The following GRAMD1C variants were observed in gnomAD, a reference collection of about 807,000 sequenced individuals.
GRAMD1C encodes GRAM domain containing 1C.
A neutral mutation model predicts 97.8 loss-of-function variants in GRAMD1C; 89 were observed. That is an observed-to-expected ratio of 0.91 (90% CI 0.77 to 1.09). The LOEUF is 1.09. Ranked by LOEUF, GRAMD1C falls within the 50% of genes least tolerant of loss-of-function variation. The pLI, the probability that GRAMD1C is intolerant of heterozygous loss-of-function variation, is 0.00. For synonymous variants in GRAMD1C, 256 were observed against 267.0 expected (o/e 0.96, Z 0.40); for missense variants, 740 against 766.4 (o/e 0.97, Z 0.41).
chr3:113,882,691 G>T, intron 5 of GRAMD1C, 61 bp from the exon 6 acceptor site: 1 of 968,664 alleles, frequency 1.0e-6, no homozygotes, highest in South Asian at 1.3e-5. Flanking sequence ...AGACTTTCAT[G>T]ACAGATAATC....
chr3:113,832,014 T>C (rs1709563425), intron 1 of GRAMD1C, among the ~76,000 whole-genome samples: 1 of 151,786 alleles, frequency 6.6e-6, no homozygotes, highest in Non-Finnish European at 1.5e-5. Flanking sequence ...ACTGGACATT[T>C]TGAATATTAT....
intron 2 of GRAMD1C, among the ~76,000 whole-genome samples, chr3:113,864,216 G>A (rs1348817715): frequency 6.6e-6 from 1 of 152,006 alleles, no homozygotes; most frequent in Non-Finnish European, 1.5e-5. Context: ...GGGTTCAAGT[G>A]ATTCTCCCTG....
chr3:113,943,178 C>A (rs972543107), intron 17 of GRAMD1C, among the ~76,000 whole-genome samples: 2 of 152,186 alleles, frequency 1.3e-5, no homozygotes, highest in East Asian at 3.8e-4. Context: ...TTGCTTGAGC[C>A]AAGGTCCCCA....
chr3:113,875,429 C>T, intron 3 of GRAMD1C, 55 bp from the exon 4 acceptor site: 1 of 789,394 alleles, frequency 1.3e-6, no homozygotes, highest in Non-Finnish European at 2.3e-6. Flanking sequence ...AGTATAAGGT[C>T]TATTAATTTC....
At chr3:113,916,403 G>T (rs1286649403) in intron 10 of GRAMD1C, among the ~76,000 whole-genome samples, 3 of 152,076 alleles carry the variant, frequency 2.0e-5, no homozygotes, top group Admixed American at 2.0e-4. Flanking sequence ...TCCCACAAAA[G>T]AATCCTATAT....
chr3:113,834,605 T>C (rs1327300878), upstream of GRAMD1C, among the ~76,000 whole-genome samples: 1 of 152,122 alleles, frequency 6.6e-6, no homozygotes. Context: ...TTAATTTCTA[T>C]GCTATTCTGA....
chr3:113,926,718 A>T (rs1409622352), intron 10 of GRAMD1C, among the ~76,000 whole-genome samples: 2 of 151,756 alleles, frequency 1.3e-5, no homozygotes, highest in Non-Finnish European at 2.9e-5. Flanking sequence ...TTGATTGTGG[A>T]ATAAGGTGGG....
intron 2 of GRAMD1C, among the ~76,000 whole-genome samples, chr3:113,845,354 T>A (rs1317176390): frequency 6.6e-6 from 1 of 152,188 alleles, no homozygotes; most frequent in African/African-American, 2.4e-5. Flanking sequence ...GTGAAAATTA[T>A]GTAGGATGGT....
intron 3 of GRAMD1C, among the ~76,000 whole-genome samples, 173 bp downstream of exon 3, chr3:113,869,764 A>G (rs1333933164): frequency 6.6e-6 from 1 of 152,200 alleles, no homozygotes; most frequent in Non-Finnish European, 1.5e-5. Flanking sequence ...TATCCAAAAG[A>G]AAGGAAATCA....
At chr3:113,879,103 G>A (rs1348814418) in intron 5 of GRAMD1C, among the ~76,000 whole-genome samples, 11 of 152,022 alleles carry the variant, frequency 7.2e-5, no homozygotes, top group Admixed American at 7.2e-4. Flanking sequence ...TATTCAGGAG[G>A]CGGAGGCAAA....
intron 6 of GRAMD1C, among the ~76,000 whole-genome samples, chr3:113,887,090 TTTTTTG>T (rs1559795654): frequency 1.3e-4 from 14 of 110,348 alleles, no homozygotes; most frequent in Admixed American, 1.9e-4. Context: ...TTTTTGTTTT[TTTTTTG>T]TTTTTTTTTT....
chr3:113,931,958 A>C (rs974382629), intron 11 of GRAMD1C, among the ~76,000 whole-genome samples: 2 of 152,168 alleles, frequency 1.3e-5, no homozygotes, highest in African/African-American at 4.8e-5. Context: ...AGAAGACATA[A>C]AAAGGAACAC....
chr3:113,943,557 C>A (rs1577233319), intron 17 of GRAMD1C, among the ~76,000 whole-genome samples: 6 of 152,154 alleles, frequency 3.9e-5, no homozygotes, highest in African/African-American at 9.7e-5. Context: ...TAATACAATA[C>A]GTGGTCTTTT....
intron 6 of GRAMD1C, among the ~76,000 whole-genome samples, chr3:113,899,878 A>T (rs1447631618): frequency 6.6e-6 from 1 of 152,234 alleles, no homozygotes; most frequent in Non-Finnish European, 1.5e-5. Context: ...CAAAGGAAAA[A>T]TTCTGAAGTC....
chr3:113,875,954 A>G (rs1935012995), intron 4 of GRAMD1C: 2 of 466,588 alleles, frequency 4.3e-6, no homozygotes, highest in Non-Finnish European at 7.6e-6. Context: ...TAGATAGAGG[A>G]GTTGTTGGGG....
Position 113,869,554 on chromosome 3 carries a change from G to T in GRAMD1C, c.222G>T (p.Gln74His). The T allele has an allele frequency of 5.8e-6, 9 of 1,555,390 alleles. No homozygotes were observed. Among genetic ancestry groups the T allele is most frequent in the Non-Finnish European group, 7.0e-6 (8 of 1,137,788 alleles). ...ACAGGAATGAGGAATACAGAAGACA[G>T]TTCACACATCTACCTGATACAGAGA... ...YKDRNEEYRR[Q>H]FTHLPDTERL... The change falls in exon 3 of 18, where the codon CAG (glutamine) becomes CAT (histidine). Residue 74 changes from glutamine to histidine, a missense_variant. Physicochemically the swap from Gln to His is conservative, Grantham distance 24. Coordinates refer to ENST00000358160, the MANE Select transcript of GRAMD1C (RefSeq NM_017577.5).
intron 11 of GRAMD1C, among the ~76,000 whole-genome samples, chr3:113,933,183 C>T (rs1937505366): frequency 6.6e-6 from 1 of 152,150 alleles, no homozygotes; most frequent in Non-Finnish European, 1.5e-5. Context: ...CTGCGTCTGG[C>T]CTAATTTTTT....
In GRAMD1C at chr3:113,887,087, T is replaced by G. The variant is rs1410398415; in HGVS notation, c.540+4255T>G. Among the ~76,000 whole-genome samples, 85 of 95,806 alleles carry G rather than the reference T, an allele frequency of 8.9e-4. 1 individual carries two copies. Among genetic ancestry groups the G allele is most frequent in the Middle Eastern group, 4.8e-3 (1 of 210 alleles). 62.9% of individuals were successfully genotyped at this position (95,806 alleles called of 152,430 possible). On this transcript the variant is annotated intron_variant, in intron 6 of 17. Coordinates refer to ENST00000358160, the MANE Select transcript of GRAMD1C (RefSeq NM_017577.5). ...GAGCCACTGCGCCTGGCCTTTTTGT[T>G]TTTTTTTTGTTTTTTTTTTTTTTTG...
At chr3:113,866,957 T>C (rs1934609318) in intron 2 of GRAMD1C, among the ~76,000 whole-genome samples, 1 of 152,034 alleles carries the variant, frequency 6.6e-6, no homozygotes, top group Admixed American at 6.6e-5. Flanking sequence ...GCCTCCCGAG[T>C]AGCTGAGATT....
Sources: allele counts gnomAD v4.1 joint callset (sites outside exome capture counted in the v4.1 genomes callset), GRCh38; gene constraint gnomAD v4.1.1; transcripts MANE v1.5; gene names NCBI Gene and HGNC (gene_info 2026-07-23, HGNC 2026-07-21).